BBS9: variants seen among roughly 807,000 people sequenced by gnomAD.
BBS9 encodes Bardet-Biedl syndrome 9, also known as protein PTHB1.
Under a neutral mutation model 117.7 loss-of-function variants are expected in BBS9, and 89 were observed. The ratio of observed to expected loss-of-function variants is 0.76; its 90% CI spans 0.64 to 0.90. The LOEUF (loss-of-function observed/expected upper bound fraction) is 0.90, where lower values mean the gene tolerates loss of function less well. BBS9 is among the 40% of genes least tolerant of loss of function. The pLI, the probability that BBS9 is intolerant of heterozygous loss-of-function variation, is 0.00. For missense variants in BBS9, 982 were observed against 1,042.2 expected (o/e 0.94, Z 0.80); for synonymous variants, 379 against 370.9 (o/e 1.02, Z -0.25).
intron 2 of BBS9, among the ~76,000 whole-genome samples, chr7:33,151,693 G>A (rs1033436877): frequency 6.6e-6 from 1 of 152,076 alleles, no homozygotes; most frequent in South Asian, 2.1e-4. Context: ...GGGATTACGG[G>A]CATGCGCCAC....
At chr7:33,176,387 C>T (rs1350682465) in intron 4 of BBS9, among the ~76,000 whole-genome samples, 1 of 152,136 alleles carries the variant, frequency 6.6e-6, no homozygotes, top group Non-Finnish European at 1.5e-5. Flanking sequence ...TACATAGTAC[C>T]TGGTTCTAAA....
At chr7:33,131,839 GA>G (rs1267623345) in intron 1 of BBS9, among the ~76,000 whole-genome samples, 1 of 151,918 alleles carries the variant, frequency 6.6e-6, no homozygotes, top group African/African-American at 2.4e-5. Flanking sequence ...ATTAAATTCA[GA>G]AGGTCAGCAA....
chr7:33,313,246 C>T (rs1483642135), intron 9 of BBS9, among the ~76,000 whole-genome samples: 2 of 151,962 alleles, frequency 1.3e-5, no homozygotes, highest in African/African-American at 4.8e-5. Context: ...CTCTATATTA[C>T]TCTCTTTACT....
chr7:33,581,351 C>G (rs1859883708), intron 21 of BBS9, among the ~76,000 whole-genome samples: 1 of 152,122 alleles, frequency 6.6e-6, no homozygotes, highest in East Asian at 1.9e-4. Flanking sequence ...AACGTTATGA[C>G]TGTGGCACAT....
intron 19 of BBS9, among the ~76,000 whole-genome samples, chr7:33,446,491 G>A (rs910140604): frequency 2.6e-5 from 4 of 152,004 alleles, no homozygotes; most frequent in African/African-American, 9.7e-5. Flanking sequence ...CTAAAAGCAG[G>A]CAAACATGAG....
At chr7:33,228,929 G>A (rs186881519) in intron 5 of BBS9, among the ~76,000 whole-genome samples, 58 of 152,146 alleles carry the variant, frequency 3.8e-4, no homozygotes, top group African/African-American at 1.3e-3. Flanking sequence ...TTGTTCAAGG[G>A]TCAGCTGTAT....
At chr7:33,177,411 G>A (rs1000158795) in intron 4 of BBS9, 67 bp from the exon 5 acceptor site, 8 of 1,047,292 alleles carry the variant, frequency 7.6e-6, no homozygotes, top group Middle Eastern at 2.0e-4. Flanking sequence ...CGGAGTAGTG[G>A]ATGAGAACAA....
chr7:33,434,114 A>G (rs1336219201), intron 19 of BBS9, among the ~76,000 whole-genome samples: 2 of 151,794 alleles, frequency 1.3e-5, no homozygotes, highest in African/African-American at 2.4e-5. Context: ...ATCAATAATG[A>G]TGGATATCTT....
chr7:33,392,491 A>G (rs1281544539), intron 19 of BBS9, among the ~76,000 whole-genome samples: 1 of 152,178 alleles, frequency 6.6e-6, no homozygotes, highest in East Asian at 1.9e-4. Context: ...CCAATGCACA[A>G]GCACTTTTCA....
intron 11 of BBS9, 66 bp downstream of exon 11, chr7:33,341,039 A>T: frequency 7.2e-7 from 1 of 1,387,632 alleles, no homozygotes; most frequent in Non-Finnish European, 1.0e-6. Context: ...TTAGGACCAA[A>T]ATGCATTGGT....
intron 14 of BBS9, 99 bp downstream of exon 14, chr7:33,351,422 A>G: frequency 1.2e-6 from 1 of 838,616 alleles, no homozygotes. Context: ...ATATCATTAA[A>G]TGAGAAAATG....
chr7:33,295,288 A>G (rs912946264), intron 9 of BBS9, among the ~76,000 whole-genome samples: 3 of 152,108 alleles, frequency 2.0e-5, no homozygotes, highest in African/African-American at 7.2e-5. Context: ...ATTTATACAC[A>G]ATTTTTGGTA....
chr7:33,586,074 T>C (rs767839758), intron 21 of BBS9, among the ~76,000 whole-genome samples: 1 of 152,040 alleles, frequency 6.6e-6, no homozygotes, highest in African/African-American at 2.4e-5. Flanking sequence ...CTTTCATTTC[T>C]CAAATGAAGA....
At chr7:33,630,041 A>G (rs1015321312) in intron 21 of BBS9, among the ~76,000 whole-genome samples, 2 of 144,098 alleles carry the variant, frequency 1.4e-5, no homozygotes, top group African/African-American at 5.5e-5. Flanking sequence ...CAGCTCCCAC[A>G]TTGCTACTAT....
chr7:33,369,364 T>C (rs1822429998), intron 17 of BBS9, among the ~76,000 whole-genome samples: 1 of 152,240 alleles, frequency 6.6e-6, no homozygotes, highest in African/African-American at 2.4e-5. Context: ...ATGTATTTTA[T>C]TTATAACTTT....
rs1297957418 is a variant in BBS9, at chr7:33,206,889, TA to T, written c.442+29300del. Among the ~76,000 whole-genome samples, 4 of 152,186 alleles carry T rather than the reference TA, an allele frequency of 2.6e-5. 1 individual carries two copies. The highest frequency in any genetic ancestry group is 4.8e-5 in the African/African-American group (2 of 41,438). On this transcript the variant is annotated intron_variant, in intron 5 of 22. Transcript: ENST00000242067. ...AATTATCATGTCTTTTAGCCTCTTT[TA>T]ATTTGGAAAATTTCCTCCAATTTTC...
At chr7:33,330,668 T>G (rs1043101421) in intron 9 of BBS9, among the ~76,000 whole-genome samples, 5 of 152,202 alleles carry the variant, frequency 3.3e-5, no homozygotes, top group African/African-American at 9.7e-5. Flanking sequence ...AGTGATAGAA[T>G]CATTATTTAC....
intron 20 of BBS9, among the ~76,000 whole-genome samples, chr7:33,529,211 C>T (rs1850175926): frequency 6.6e-6 from 1 of 152,204 alleles, no homozygotes; most frequent in Admixed American, 6.5e-5. Flanking sequence ...AGCCTCTGCA[C>T]AGGCTGGTAA....
intron 4 of BBS9, among the ~76,000 whole-genome samples, chr7:33,165,350 T>A (rs1795505797): frequency 6.6e-6 from 1 of 152,186 alleles, no homozygotes; most frequent in South Asian, 2.1e-4. Flanking sequence ...GCATTATCTG[T>A]ATTTCCTGAA....
Sources: gnomAD v4.1 joint callset for allele counts (sites outside exome capture counted in the v4.1 genomes callset) on GRCh38, gnomAD v4.1.1 for gene constraint, MANE v1.5 for transcripts, NCBI Gene and HGNC (gene_info 2026-07-23, HGNC 2026-07-21) for gene names.